PLD1: variants seen among roughly 807,000 people sequenced by gnomAD.
PLD1 encodes the protein choline phosphatase 1.
In PLD1, 112 loss-of-function variants were observed where a neutral mutation model predicts 137.1. That is an observed-to-expected ratio of 0.82 (90% CI 0.70 to 0.96). The LOEUF is 0.96. Ranked by LOEUF, PLD1 falls within the 40% of genes least tolerant of loss-of-function variation. The probability of loss-of-function intolerance (pLI) is 0.00; values close to 1 mark genes in which losing one functional copy is unlikely to be tolerated. For missense variants in PLD1, 1,321 were observed against 1,342.0 expected (o/e 0.98, Z 0.24); for synonymous variants, 431 against 454.7 (o/e 0.95, Z 0.66).
chr3:171,698,811 C>CAAAAAAAAAAAAAAAAA (rs11359377), intron 12 of PLD1, among the ~76,000 whole-genome samples: 3 of 103,948 alleles, frequency 2.9e-5, no homozygotes, highest in Non-Finnish European at 6.0e-5. Context: ...TACAAAAATA[C>CAAAAAAAAAAAAAAAAA]AAAAAAAAAA....
At chr3:171,739,823 G>A (rs180718110) in intron 1 of PLD1, among the ~76,000 whole-genome samples, 27 of 152,208 alleles carry the variant, frequency 1.8e-4, no homozygotes, top group Middle Eastern at 6.8e-3. Flanking sequence ...CTGGAATTCA[G>A]GTTTCTCTAA....
intron 1 of PLD1, among the ~76,000 whole-genome samples, chr3:171,784,798 A>G (rs958179433): frequency 6.6e-5 from 10 of 152,208 alleles, no homozygotes; most frequent in Admixed American, 6.5e-4. Flanking sequence ...TGTATCTGGT[A>G]TCATAGCTAC....
At chr3:171,734,378 G>C (rs6792564) in intron 5 of PLD1, among the ~76,000 whole-genome samples, 37 of 152,328 alleles carry the variant, frequency 2.4e-4, no homozygotes, top group African/African-American at 8.2e-4. Flanking sequence ...GCAGGCAGAA[G>C]TGCCCCTCCT....
intron 1 of PLD1, among the ~76,000 whole-genome samples, chr3:171,780,620 C>T (rs538345037): frequency 1.7e-4 from 26 of 151,920 alleles, no homozygotes; most frequent in African/African-American, 2.9e-4. Flanking sequence ...GAAAAGAGTG[C>T]GTCAATGATA....
intron 23 of PLD1, among the ~76,000 whole-genome samples, chr3:171,639,523 A>C (rs1212228834): frequency 1.1e-5 from 1 of 88,826 alleles, no homozygotes; most frequent in East Asian, 2.8e-4. Context: ...ATATATATTC[A>C]TATAATATAT....
At chr3:171,805,415 TAAC>T (rs1463567889) in intron 1 of PLD1, among the ~76,000 whole-genome samples, 3 of 152,158 alleles carry the variant, frequency 2.0e-5, no homozygotes, top group African/African-American at 7.2e-5. Context: ...AGTATGGTCA[TAAC>T]AATTATTAAA....
At chr3:171,707,718 C>A (rs1455353378) in intron 11 of PLD1, among the ~76,000 whole-genome samples, 1 of 152,154 alleles carries the variant, frequency 6.6e-6, no homozygotes, top group African/African-American at 2.4e-5. Context: ...GTGGTCACAA[C>A]TGGGAACTTA....
At position 171,737,516 on chromosome 3, in the gene PLD1, C is replaced by A. The variant is rs759508926; in HGVS notation, c.288+16G>T. On this transcript the variant is annotated intron_variant, in intron 3 of 26. Coordinates refer to ENST00000351298, the MANE Select transcript of PLD1 (RefSeq NM_002662.5). The stretch of plus-strand genomic sequence containing the variant: ...ATTGACAAAAGAAAAAAGGGTGAGT[C>A]CATAAACGCTCTGACCCTTGTTGTA... 1.3e-6 allele frequency: 2 copies of A among 1,595,036 alleles called. No individual in the cohort carries two copies. The highest frequency in any genetic ancestry group is 8.5e-7 in the Non-Finnish European group (1 of 1,174,864).
chr3:171,665,500 G>GACC (rs1441621435), intron 19 of PLD1, among the ~76,000 whole-genome samples: 1 of 152,168 alleles, frequency 6.6e-6, no homozygotes, highest in Non-Finnish European at 1.5e-5. Context: ...AGCAGTTCAA[G>GACC]ACCAGCCTGG....
chr3:171,740,280 T>C (rs888663944), intron 1 of PLD1, among the ~76,000 whole-genome samples: 1 of 152,206 alleles, frequency 6.6e-6, no homozygotes, highest in Non-Finnish European at 1.5e-5. Context: ...CTATTCAGCC[T>C]CCATTGAGGA....
intron 1 of PLD1, among the ~76,000 whole-genome samples, chr3:171,785,020 C>T (rs775019053): frequency 3.5e-4 from 54 of 152,252 alleles, no homozygotes; most frequent in African/African-American, 1.1e-3. Flanking sequence ...ATTTTAAGCT[C>T]GGCATTCTGT....
chr3:171,628,353 A>G (rs1734330479), intron 23 of PLD1, among the ~76,000 whole-genome samples: 2 of 152,240 alleles, frequency 1.3e-5, no homozygotes, highest in Admixed American at 6.5e-5. Context: ...AGGCTCTGAA[A>G]TTGTGGCAAT....
At chr3:171,701,644 A>C (rs1456521885) in intron 11 of PLD1, among the ~76,000 whole-genome samples, 1 of 152,264 alleles carries the variant, frequency 6.6e-6, no homozygotes, top group Non-Finnish European at 1.5e-5. Context: ...CATAAAAAGA[A>C]AAAAAGATTT....
At chr3:171,748,515 C>G (rs991015012) in intron 1 of PLD1, among the ~76,000 whole-genome samples, 6 of 152,018 alleles carry the variant, frequency 3.9e-5, no homozygotes, top group Admixed American at 3.9e-4. Context: ...CAATGATAAC[C>G]CATGAATTTC....
At chr3:171,638,328 A>G (rs1271391854) in intron 23 of PLD1, among the ~76,000 whole-genome samples, 1 of 152,180 alleles carries the variant, frequency 6.6e-6, no homozygotes, top group Non-Finnish European at 1.5e-5. Flanking sequence ...CTGCGCACTT[A>G]GGCTACATTA....
chr3:171,732,969 T>C (rs1719062354), intron 6 of PLD1, among the ~76,000 whole-genome samples: 1 of 152,172 alleles, frequency 6.6e-6, no homozygotes, highest in Non-Finnish European at 1.5e-5. Flanking sequence ...TTCTCATGCT[T>C]CTCACTTTCA....
At chr3:171,695,803 C>T (rs111349720) in intron 12 of PLD1, among the ~76,000 whole-genome samples, 1,870 of 126,240 alleles carry the variant, frequency 0.015, 36 homozygotes, top group African/African-American at 0.048. Context: ...TTCCCCAATA[C>T]AATATATTAA....
At chr3:171,618,206 A>C (rs763310290) in intron 24 of PLD1, among the ~76,000 whole-genome samples, 11 of 152,214 alleles carry the variant, frequency 7.2e-5, no homozygotes, top group Non-Finnish European at 1.5e-4. Context: ...AATGTGTAAG[A>C]ATTGTGTGCA....
At chr3:171,689,250 T>C (rs867581732) in intron 13 of PLD1, among the ~76,000 whole-genome samples, 2 of 152,048 alleles carry the variant, frequency 1.3e-5, no homozygotes, top group Admixed American at 6.6e-5. Context: ...ACTATTTATC[T>C]CTGGAAAAAT....
Sources: allele counts gnomAD v4.1 joint callset (sites outside exome capture counted in the v4.1 genomes callset), GRCh38; gene constraint gnomAD v4.1.1; transcripts MANE v1.5; gene names NCBI Gene and HGNC (gene_info 2026-07-23, HGNC 2026-07-21).